CDC25B: variants seen among roughly 807,000 people sequenced by gnomAD.
CDC25B encodes cell division cycle 25B.
CDC25B carries 33 observed loss-of-function variants against 69.8 expected under a neutral mutation model. That is an observed-to-expected ratio of 0.47 (90% CI 0.36 to 0.63). The LOEUF (loss-of-function observed/expected upper bound fraction) is 0.63. CDC25B is among the 30% of genes least tolerant of loss of function. CDC25B has a pLI of 0.00. For synonymous variants in CDC25B, 341 were observed against 314.6 expected, an observed-to-expected ratio of 1.08 and a Z score of -0.89; for missense variants, 727 against 809.1, an observed-to-expected ratio of 0.90 and a Z score of 1.23.
upstream of CDC25B, chr20:3,796,282 T>A (rs1438787951): frequency 7.4e-7 from 1 of 1,354,438 alleles, no homozygotes; most frequent in African/African-American, 1.6e-5. Flanking sequence ...TTCGAATATA[T>A]AAGGAGGTGG....
At position 3,796,430 on chromosome 20, in the gene CDC25B, C is replaced by A. The variant is rs1487888721; in HGVS notation, c.-102C>A. ...CTCCCTCCCTCCTTCCCCCCCCCCC[C>A]ACCCCTCGCCCGCTGCCTCCCTCGG... On this transcript the variant is annotated 5_prime_UTR_variant, in exon 1 of 16. Transcript: ENST00000245960. 71 of 355,050 alleles carry A rather than the reference C, an allele frequency of 2.0e-4. No homozygotes were observed. Among genetic ancestry groups the A allele is most frequent in the Non-Finnish European group, 2.4e-4 (59 of 246,634 alleles). 22.0% of individuals were successfully genotyped at this position (355,050 alleles called of 1,614,324 possible).
rs372325473 is a variant in CDC25B, at chr20:3,797,361, G to A, written c.201-261G>A. 5.9e-5 allele frequency among the ~76,000 whole-genome samples: 9 copies of A among 152,196 alleles called. No homozygotes were observed. In the East Asian group the frequency reaches 1.2e-3, roughly 20 times the overall value. The stretch of plus-strand genomic sequence containing the variant: ...CCTTAGGCTGGCCTCCAGCCAGGCA[G>A]CCTTGCTCACACCCTGGGCTCACCT... On this transcript the variant is annotated intron_variant, in intron 1 of 15. Transcript: ENST00000245960.
chr20:3,791,555 C>A (rs964488510), upstream of CDC25B, among the ~76,000 whole-genome samples: 1 of 151,982 alleles, frequency 6.6e-6, no homozygotes, highest in Non-Finnish European at 1.5e-5. Flanking sequence ...TAGTGGGATG[C>A]GCCTGTAGTC....
chr20:3,791,213 C>G lies in CDC25B; in HGVS notation c.8+4074C>G, dbSNP rs570457961. The stretch of plus-strand genomic sequence containing the variant: ...ACATCTGTGTGTACTTTTATCATCT[C>G]CTTAAGAGAAATGCTGAGAAGTGGG... On this transcript the variant is annotated intron_variant, in intron 1 of 15. Coordinates refer to the CDC25B transcript ENST00000344256. Among the ~76,000 whole-genome samples, 6 of 152,244 alleles carry G rather than the reference C, an allele frequency of 3.9e-5. No individual in the cohort carries two copies. In the South Asian group the frequency reaches 1.2e-3, roughly 32 times the overall value.
chr20:3,796,146 C>T, upstream of CDC25B: 1 of 1,106,862 alleles, frequency 9.0e-7, no homozygotes, highest in Non-Finnish European at 1.1e-6. Context: ...CTTAATTCCT[C>T]CGGCCCACCC....
At chr20:3,800,931 C>G in intron 6 of CDC25B, 40 bp from the exon 7 acceptor site, 1 of 1,612,364 alleles carries the variant, frequency 6.2e-7, no homozygotes, top group East Asian at 2.2e-5. Context: ...GGGGTGGTTC[C>G]CTGGCATGTG....
In CDC25B at chr20:3,801,781, C is replaced by G. The variant is rs756052669; in HGVS notation, c.900C>G (p.Thr300=). 2.5e-6 allele frequency: 4 copies of G among 1,606,434 alleles called. No homozygotes were observed. In the East Asian group the frequency reaches 8.9e-5, roughly 36 times the overall value. Residue 300 remains threonine, a synonymous_variant, in exon 9 of 16, where the codon ACC becomes ACG. Transcript: ENST00000245960. ...ESLISAPLVK[T]LEKEEEKDLV... is the part of the protein sequence containing the mutation. ...TCATTAGTGCCCCACTGGTCAAGAC[C>G]TTGGAAAAGGAAGAGGAAAAGGTGG...
Position 3,803,624 on chromosome 20 carries a change from A to C in CDC25B, c.1490+87A>C. ...AGGTGCTGGCACCATTGAGATGGCC[A>C]GGGGTGCAAGTCCAGGTCCTCCTCT... On this transcript the variant is annotated intron_variant, in intron 14 of 15. Coordinates refer to ENST00000245960, the MANE Select transcript of CDC25B (RefSeq NM_021873.4). The surrounding 1 kb of genome is among the most constrained non-coding windows in gnomAD (Gnocchi z 4.9). 6.4e-7 allele frequency: 1 copy of C among 1,550,620 alleles called. No homozygotes were observed. The highest frequency in any genetic ancestry group is 8.8e-7 in the Non-Finnish European group (1 of 1,133,352).
chr20:3,790,603 C>T (rs2088899622), intron 1 of CDC25B, among the ~76,000 whole-genome samples: 1 of 151,540 alleles, frequency 6.6e-6, no homozygotes, highest in Non-Finnish European at 1.5e-5. Flanking sequence ...GGGTGGATCA[C>T]GAGGTCACCC....
upstream of CDC25B, among the ~76,000 whole-genome samples, chr20:3,793,686 T>G (rs1163422684): frequency 6.6e-6 from 1 of 150,682 alleles, no homozygotes; most frequent in Non-Finnish European, 1.5e-5. Flanking sequence ...GCCATGCTGG[T>G]GTGCTACACC....
Position 3,800,839 on chromosome 20 carries a change from A to G in CDC25B, c.556A>G (p.Ser186Gly), listed in dbSNP as rs538614130. ...GAGCGAGGCGGGCAGTGGAGCTGCC[A>G]GCAGCTCTGGGGAAGACAAGGAGAA... ...RKSEAGSGAASSSGEDKENDG... is the reference protein window; with the variant it reads ...RKSEAGSGAAGSSGEDKENDG... The change falls in exon 6 of 16, where the codon AGC becomes GGC. Residue 186 changes from serine (S) to glycine (G), a missense_variant. By Grantham distance (56) the Ser-to-Gly change is moderately conservative (BLOSUM62 0). This residue lies in a region of CDC25B where 368 missense variants were observed against 345.6 expected (regional missense o/e 1.06). Transcript: ENST00000245960. The G allele has an allele frequency of 3.7e-6, 6 of 1,613,766 alleles. No individual in the cohort carries two copies. Among genetic ancestry groups the G allele is most frequent in the African/African-American group, 2.7e-5 (2 of 75,072 alleles).
At chr20:3,796,276 A>C, upstream of CDC25B, 2 of 1,279,912 alleles carry the variant, frequency 1.6e-6, no homozygotes, top group Non-Finnish European at 2.0e-6. Context: ...TTATTTTTCG[A>C]ATATATAAGG....
At chr20:3,789,453 C>T (rs979130988) in intron 1 of CDC25B, among the ~76,000 whole-genome samples, 1 of 152,046 alleles carries the variant, frequency 6.6e-6, no homozygotes, top group Non-Finnish European at 1.5e-5. Flanking sequence ...TCACTGCAAC[C>T]TCCTCCTCCC....
At chr20:3,804,741 C>T in intron 15 of CDC25B, 61 bp downstream of exon 15, 4 of 1,195,870 alleles carry the variant, frequency 3.3e-6, no homozygotes, top group Non-Finnish European at 4.6e-6. Flanking sequence ...AGGCTGGAGC[C>T]ATGGGATGGG....
chr20:3,805,331 G>A lies in CDC25B; in HGVS notation c.*370G>A, dbSNP rs11087604. On this transcript the variant is annotated 3_prime_UTR_variant, in exon 16 of 16. Transcript: ENST00000245960. ...TGTCAGCTGAGGCTGGGGGAGAGCCGTGGTCCCTGAGGATGGGTCAGAGCT... is the reference window on the plus strand; with the variant it reads ...TGTCAGCTGAGGCTGGGGGAGAGCCATGGTCCCTGAGGATGGGTCAGAGCT... 19,906 of 307,386 alleles carry A rather than the reference G, an allele frequency of 0.065. 817 individuals are homozygous for A. The highest frequency in any genetic ancestry group is 0.08 in the Non-Finnish European group (13,019 of 161,926). The allele number at this position is 307,386 out of a possible 1,614,324, so 19.0% of individuals were successfully genotyped here.
chr20:3,798,340 T>TTG, intron 2 of CDC25B, 72 bp from the exon 3 acceptor site: 1 of 532,090 alleles, frequency 1.9e-6, no homozygotes, highest in Non-Finnish European at 3.2e-6. Context: ...TTTTTTTTCA[T>TTG]ATTGGGACAT....
At chr20:3,800,890 G>C in intron 6 of CDC25B, 25 bp downstream of exon 6, 1 of 1,613,218 alleles carries the variant, frequency 6.2e-7, no homozygotes, top group Middle Eastern at 1.7e-4. Flanking sequence ...GGCCGGGGTG[G>C]GAGCTCTCCG....
chr20:3,804,092 TC>T (rs2089387806), intron 14 of CDC25B, among the ~76,000 whole-genome samples: 1 of 152,140 alleles, frequency 6.6e-6, no homozygotes, highest in Non-Finnish European at 1.5e-5. Flanking sequence ...CAGAGTCGCA[TC>T]CCTGCGGCCC....
intron 1 of CDC25B, among the ~76,000 whole-genome samples, chr20:3,788,030 G>A (rs1238487928): frequency 6.6e-6 from 1 of 152,126 alleles, no homozygotes; most frequent in African/African-American, 2.4e-5. Flanking sequence ...CCAGCTATTC[G>A]GGAGGCTGAG....
Sources: allele counts gnomAD v4.1 joint callset (sites outside exome capture counted in the v4.1 genomes callset), GRCh38; gene constraint gnomAD v4.1.1; regional missense constraint gnomAD v4.1.1; non-coding constraint Gnocchi (gnomAD v3.1); transcripts MANE v1.5; gene names NCBI Gene and HGNC (gene_info 2026-07-23, HGNC 2026-07-21).